CTDP1: variants seen among roughly 807,000 people sequenced by gnomAD.
CTDP1 encodes the protein CTD phosphatase 1, also known as RNA polymerase II subunit A C-terminal domain phosphatase.
Under a neutral mutation model 91.8 loss-of-function variants are expected in CTDP1, and 47 were observed. That is an observed-to-expected ratio of 0.51 (90% CI 0.41 to 0.65). The LOEUF (loss-of-function observed/expected upper bound fraction) is 0.65. Ranked by LOEUF, CTDP1 falls within the 30% of genes least tolerant of loss-of-function variation. The pLI is 0.00. For missense variants in CTDP1, 1,272 were observed against 1,373.7 expected, an observed-to-expected ratio of 0.93 and a Z score of 1.17; for synonymous variants, 656 against 598.5, an observed-to-expected ratio of 1.10 and a Z score of -1.40.
intron 1 of CTDP1, among the ~76,000 whole-genome samples, chr18:79,694,205 A>C (rs180674445): frequency 5.2e-5 from 7 of 134,830 alleles, no homozygotes; most frequent in African/African-American, 2.0e-4. Flanking sequence ...GGGCGGCCTC[A>C]TGTCTGCAGG....
At chr18:79,737,877 G>A (rs747677273) in intron 12 of CTDP1, among the ~76,000 whole-genome samples, 1 of 152,190 alleles carries the variant, frequency 6.6e-6, no homozygotes, top group African/African-American at 2.4e-5. Context: ...ATAGGACACG[G>A]TGATGCTGTT....
chr18:79,681,549 T>C, intron 1 of CTDP1: 1 of 944,438 alleles, frequency 1.1e-6, no homozygotes, highest in Non-Finnish European at 1.3e-6. Context: ...CAAGTTAGTA[T>C]TGAAATTCCA....
At chr18:79,720,558 C>T (rs1224471718) in intron 10 of CTDP1, among the ~76,000 whole-genome samples, 1 of 152,038 alleles carries the variant, frequency 6.6e-6, no homozygotes, top group Admixed American at 6.5e-5. Context: ...GTGATGATGT[C>T]ACCTCCCATC....
chr18:79,690,491 C>T (rs552423893), intron 1 of CTDP1, among the ~76,000 whole-genome samples: 9 of 152,328 alleles, frequency 5.9e-5, no homozygotes, highest in East Asian at 1.9e-4. Flanking sequence ...GAATCCACAA[C>T]GTGTCACACC....
At chr18:79,720,350 GTGA>G (rs1461968959) in intron 10 of CTDP1, among the ~76,000 whole-genome samples, 1 of 135,458 alleles carries the variant, frequency 7.4e-6, no homozygotes, top group Non-Finnish European at 1.6e-5. Flanking sequence ...GGGCGTCCTG[GTGA>G]TGATGTCACC....
upstream of CTDP1, chr18:79,677,721 TAC>T: frequency 6.6e-6 from 1 of 152,414 alleles, no homozygotes; most frequent in East Asian, 1.9e-4. Flanking sequence ...AGTCTGTCCT[TAC>T]AGTGTGAACC....
intron 4 of CTDP1, among the ~76,000 whole-genome samples, chr18:79,698,615 G>T (rs2085795914): frequency 1.3e-5 from 2 of 152,228 alleles, no homozygotes; most frequent in South Asian, 4.1e-4. Flanking sequence ...GTGCCCAGAG[G>T]CTTGCGCAGA....
chr18:79,680,123 A>C lies in CTDP1; in HGVS notation c.176A>C (p.Gln59Pro). The C allele has an allele frequency of 7.0e-7, 1 of 1,425,402 alleles. No homozygotes were observed. The allele number at this position is 1,425,402 out of a possible 1,614,324, so 88.3% of individuals were successfully genotyped here. A position where few individuals can be genotyped will look rare whatever the true frequency, so the allele number is the denominator to read the frequency against. Residue 59 changes from glutamine (Q) to proline (P), a missense_variant, in exon 1 of 13, where the codon CAG becomes CCG. Coordinates refer to ENST00000613122, the MANE Select transcript of CTDP1 (RefSeq NM_004715.5). ...GTGTTCGAGGCCGCCGCCTCCGCGC[A>C]GTCCTCCGGGGCCTCTCAGTCCCGT... Reference protein sequence around the residue: ...LAVFEAAASAQSSGASQSRVA... With the variant: ...LAVFEAAASAPSSGASQSRVA...
chr18:79,731,668 G>A (rs2086568486), intron 11 of CTDP1, among the ~76,000 whole-genome samples: 3 of 152,242 alleles, frequency 2.0e-5, no homozygotes, highest in South Asian at 2.1e-4. Context: ...GAGGCATGGC[G>A]TCAGTAAGCG....
At chr18:79,749,465 ACAGG>A (rs1002614342) in intron 12 of CTDP1, among the ~76,000 whole-genome samples, 1 of 150,468 alleles carries the variant, frequency 6.6e-6, no homozygotes, top group African/African-American at 2.4e-5. Flanking sequence ...GCATCAGCAC[ACAGG>A]CAGGGAGCCG....
chr18:79,723,758 G>A (rs1468201083), intron 10 of CTDP1, among the ~76,000 whole-genome samples: 3 of 152,102 alleles, frequency 2.0e-5, no homozygotes, highest in South Asian at 2.1e-4. Context: ...GCTCCCCTGC[G>A]GCCCTTCATG....
Position 79,679,969 on chromosome 18 carries a change from C to A in CTDP1, c.22C>A (p.Arg8Ser). 1.5e-6 allele frequency: 2 copies of A among 1,376,660 alleles called. No individual in the cohort carries two copies. The highest frequency in any genetic ancestry group is 1.5e-5 in the South Asian group (1 of 66,416). 85.3% of individuals were successfully genotyped at this position (1,376,660 alleles called of 1,614,324 possible). MEVPAAGRVPAEGAPTAA... is the reference protein window; with the variant it reads MEVPAAGSVPAEGAPTAA... ...CGCGATGGAGGTGCCGGCCGCGGGT[C>A]GCGTTCCTGCCGAGGGCGCCCCGAC... Residue 8 changes from arginine to serine, a missense_variant, in exon 1 of 13, where the codon CGC (arginine) becomes AGC (serine). Around this residue, in one of 3 missense-constraint regions of CTDP1, gnomAD observed 214 missense variants for 179.1 expected, o/e 1.19. Coordinates refer to ENST00000613122, the MANE Select transcript of CTDP1 (RefSeq NM_004715.5).
At position 79,697,846 on chromosome 18, in the gene CTDP1, C is replaced by G. The variant is rs780207390; in HGVS notation, c.493-14C>G. The G allele has an allele frequency of 6.2e-7, 1 of 1,614,034 alleles. No homozygotes were observed. Among genetic ancestry groups the G allele is most frequent in the Non-Finnish European group, 8.5e-7 (1 of 1,179,956 alleles). On this transcript the variant is annotated splice_polypyrimidine_tract_variant and intron_variant, in intron 3 of 12. Transcript: ENST00000613122. ...ATACTGACTTTGTCATTTCTTGTTTCTTTTTAATTGTAGCAAGCTGAACAG... is the reference window on the plus strand; with the variant it reads ...ATACTGACTTTGTCATTTCTTGTTTGTTTTTAATTGTAGCAAGCTGAACAG...
At chr18:79,677,625 TGAG>T (rs1450879236), upstream of CTDP1, 1 of 152,312 alleles carries the variant, frequency 6.6e-6, no homozygotes, top group Non-Finnish European at 1.5e-5. Context: ...AGGCTACAGC[TGAG>T]TAGTGTGTCC....
At chr18:79,737,637 C>A (rs988939467) in intron 12 of CTDP1, among the ~76,000 whole-genome samples, 1 of 152,110 alleles carries the variant, frequency 6.6e-6, no homozygotes, top group African/African-American at 2.4e-5. Context: ...TCCCGCATCC[C>A]CCATGCATGT....
chr18:79,724,562 T>C (rs1258605329), intron 10 of CTDP1, among the ~76,000 whole-genome samples: 1 of 152,214 alleles, frequency 6.6e-6, no homozygotes, highest in African/African-American at 2.4e-5. Context: ...ATCACTCCTG[T>C]GTTTGTTCCA....
intron 5 of CTDP1, among the ~76,000 whole-genome samples, chr18:79,705,711 A>G (rs994030281): frequency 3.3e-5 from 5 of 152,234 alleles, no homozygotes; most frequent in Non-Finnish European, 5.9e-5. Context: ...TACTGGCTCC[A>G]GAGGTTGTTA....
intron 4 of CTDP1, among the ~76,000 whole-genome samples, chr18:79,701,862 C>T (rs914523516): frequency 7.9e-5 from 12 of 152,120 alleles, no homozygotes; most frequent in African/African-American, 2.9e-4. Flanking sequence ...GTGGAAATAG[C>T]GAGAGAATTA....
intron 1 of CTDP1, chr18:79,685,586 C>G (rs919809823): frequency 2.0e-5 from 3 of 152,138 alleles, no homozygotes; most frequent in African/African-American, 7.2e-5. Flanking sequence ...AAATGAAGAT[C>G]ATTCCAACAG....
Sources: allele counts gnomAD v4.1 joint callset (sites outside exome capture counted in the v4.1 genomes callset), GRCh38; gene constraint gnomAD v4.1.1; regional missense constraint gnomAD v4.1.1; transcripts MANE v1.5; gene names NCBI Gene and HGNC (gene_info 2026-07-23, HGNC 2026-07-21).